The following ADAM22 variants were observed in gnomAD, a reference collection of about 807,000 sequenced individuals.
ADAM22 encodes ADAM metallopeptidase domain 22.
In ADAM22, 65 loss-of-function variants were observed where a neutral mutation model predicts 144.6. The ratio of observed to expected loss-of-function variants is 0.45; its 90% CI spans 0.37 to 0.55. The LOEUF (loss-of-function observed/expected upper bound fraction) is 0.55, where lower values mean the gene tolerates loss of function less well. Ranked by LOEUF, ADAM22 falls within the 20% of genes least tolerant of loss-of-function variation. The probability of loss-of-function intolerance (pLI) is 0.00; values close to 1 mark genes in which losing one functional copy is unlikely to be tolerated. For missense variants in ADAM22, 974 were observed against 1,184.9 expected, an observed-to-expected ratio of 0.82 and a Z score of 2.61; for synonymous variants, 391 against 412.6, an observed-to-expected ratio of 0.95 and a Z score of 0.63.
At chr7:88,028,839 T>C (rs1799603559) in intron 3 of ADAM22, among the ~76,000 whole-genome samples, 1 of 152,122 alleles carries the variant, frequency 6.6e-6, no homozygotes. Context: ...TCACTTGTAG[T>C]TTGTATTTGC....
rs762976931 is a variant in ADAM22 at position 88,153,214 on chromosome 7, G to C, written c.1682-7G>C. The C allele has an allele frequency of 3.7e-6, 6 of 1,608,762 alleles. No homozygotes were observed. Among genetic ancestry groups the C allele is most frequent in the Non-Finnish European group, 5.1e-6 (6 of 1,177,608 alleles). On this transcript the variant is annotated splice_polypyrimidine_tract_variant and splice_region_variant and intron_variant, in intron 20 of 31. Transcript: ENST00000413139. Reference sequence around the variant, plus strand: ...CCTCACTGATAGAAAATTTTTTTCTGCCTTAGAGGTGACAGCATCAGACAA... The same window carrying C: ...CCTCACTGATAGAAAATTTTTTTCTCCCTTAGAGGTGACAGCATCAGACAA...
chr7:87,959,875 T>G (rs1026454505), intron 2 of ADAM22, among the ~76,000 whole-genome samples: 1 of 152,232 alleles, frequency 6.6e-6, no homozygotes, highest in African/African-American at 2.4e-5. Flanking sequence ...TTCACTCTTT[T>G]AGAATATACA....
intron 15 of ADAM22, 88 bp from the exon 16 acceptor site, chr7:88,145,037 G>T: frequency 9.6e-7 from 1 of 1,044,582 alleles, no homozygotes; most frequent in Non-Finnish European, 1.4e-6. Flanking sequence ...GGCAGGGCAG[G>T]TATATTTGGG....
intron 4 of ADAM22, among the ~76,000 whole-genome samples, chr7:88,082,354 T>C (rs1260669627): frequency 6.6e-6 from 1 of 152,184 alleles, no homozygotes; most frequent in African/African-American, 2.4e-5. Flanking sequence ...GATTAAAGAC[T>C]TAAATGTTAC....
intron 3 of ADAM22, among the ~76,000 whole-genome samples, chr7:88,031,540 C>T (rs1466718706): frequency 6.6e-6 from 1 of 152,202 alleles, no homozygotes; most frequent in Admixed American, 6.5e-5. Flanking sequence ...GAACTTTGAA[C>T]TTGAAAGAGA....
chr7:88,110,652 TTTC>T (rs1825754938), intron 5 of ADAM22, among the ~76,000 whole-genome samples: 1 of 150,086 alleles, frequency 6.7e-6, no homozygotes, highest in African/African-American at 2.5e-5. Flanking sequence ...TTTCTTTTCT[TTTC>T]TTTTTTTTCT....
At chr7:87,975,239 GTT>G (rs1037322914) in intron 2 of ADAM22, among the ~76,000 whole-genome samples, 23 of 152,208 alleles carry the variant, frequency 1.5e-4, no homozygotes, top group African/African-American at 4.8e-4. Context: ...GCATTTCTCT[GTT>G]TTATTAAGTC....
intron 3 of ADAM22, among the ~76,000 whole-genome samples, chr7:88,002,204 C>T (rs777240304): frequency 3.9e-5 from 6 of 152,144 alleles, no homozygotes; most frequent in Non-Finnish European, 8.8e-5. Flanking sequence ...CTCTGTTGCT[C>T]TCTATCTTTA....
intron 10 of ADAM22, among the ~76,000 whole-genome samples, chr7:88,130,992 C>G (rs1354698279): frequency 6.6e-6 from 1 of 151,984 alleles, no homozygotes; most frequent in Non-Finnish European, 1.5e-5. Flanking sequence ...AATTCTTTTT[C>G]CAGGATACCA....
At chr7:88,173,307 A>T (rs1844806220) in intron 26 of ADAM22, among the ~76,000 whole-genome samples, 1 of 151,962 alleles carries the variant, frequency 6.6e-6, no homozygotes, top group East Asian at 1.9e-4. Context: ...ACTCTTTTGG[A>T]ATCTAGTCCA....
chr7:88,028,093 A>G (rs1394832259), intron 3 of ADAM22, among the ~76,000 whole-genome samples: 1 of 151,984 alleles, frequency 6.6e-6, no homozygotes, highest in Non-Finnish European at 1.5e-5. Flanking sequence ...CCTTTTTTCT[A>G]CTTTTTTGAT....
chr7:88,060,879 G>A (rs916502546), intron 3 of ADAM22, among the ~76,000 whole-genome samples: 9 of 152,030 alleles, frequency 5.9e-5, no homozygotes, highest in South Asian at 2.1e-4. Context: ...TGAGGAGGGC[G>A]AATCACTTGA....
At chr7:88,108,759 AAG>A (rs969961355) in intron 5 of ADAM22, among the ~76,000 whole-genome samples, 1 of 151,962 alleles carries the variant, frequency 6.6e-6, no homozygotes, top group African/African-American at 2.4e-5. Context: ...GAAAGAAAGA[AAG>A]AAAAGTCCTA....
intron 4 of ADAM22, among the ~76,000 whole-genome samples, chr7:88,099,336 C>T (rs1822294887): frequency 6.6e-6 from 1 of 152,178 alleles, no homozygotes; most frequent in East Asian, 1.9e-4. Context: ...GCCAGAATAG[C>T]AACATTTTCT....
At chr7:88,151,111 A>G in intron 19 of ADAM22, 80 bp downstream of exon 19, 1 of 1,528,442 alleles carries the variant, frequency 6.5e-7, no homozygotes, top group Non-Finnish European at 9.0e-7. Context: ...AAATAGGAAG[A>G]TCAATTTAAA....
At chr7:88,019,677 G>A (rs1797300931) in intron 3 of ADAM22, among the ~76,000 whole-genome samples, 1 of 151,974 alleles carries the variant, frequency 6.6e-6, no homozygotes, top group African/African-American at 2.4e-5. Context: ...GTAAAACCCT[G>A]TGTCTACTTA....
intron 3 of ADAM22, among the ~76,000 whole-genome samples, chr7:88,066,797 A>G (rs1029537795): frequency 1.3e-5 from 2 of 152,100 alleles, no homozygotes; most frequent in Non-Finnish European, 2.9e-5. Flanking sequence ...CCTGGTAGGA[A>G]ATTGAAGGAA....
chr7:88,034,211 C>T (rs771159777), intron 3 of ADAM22, among the ~76,000 whole-genome samples: 18 of 152,184 alleles, frequency 1.2e-4, no homozygotes, highest in Non-Finnish European at 2.1e-4. Context: ...TGCTTGGCTA[C>T]TGCTGCCGAT....
At chr7:88,135,899 G>C in intron 13 of ADAM22, 81 bp from the exon 14 acceptor site, 1 of 1,216,406 alleles carries the variant, frequency 8.2e-7, no homozygotes, top group East Asian at 2.6e-5. Flanking sequence ...ATAAAGTGGA[G>C]ATAATTATTT....
Sources: gnomAD v4.1 joint callset for allele counts (sites outside exome capture counted in the v4.1 genomes callset) on GRCh38, gnomAD v4.1.1 for gene constraint, MANE v1.5 for transcripts, NCBI Gene and HGNC (gene_info 2026-07-23, HGNC 2026-07-21) for gene names.